The following SPRED1 variants were observed in gnomAD, a reference collection of about 807,000 sequenced individuals.
SPRED1 encodes sprouty related EVH1 domain containing 1, also known as sprouty-related, EVH1 domain-containing protein 1.
Under a neutral mutation model 52.3 loss-of-function variants are expected in SPRED1, and 18 were observed. The observed-to-expected ratio is 0.34, with a 90% CI of 0.24 to 0.51. SPRED1 has a LOEUF of 0.51. SPRED1 is among the 20% of genes least tolerant of loss of function. The probability of loss-of-function intolerance (pLI) is 0.97; values close to 1 mark genes in which losing one functional copy is unlikely to be tolerated. For synonymous variants in SPRED1, 155 were observed against 179.7 expected, an observed-to-expected ratio of 0.86 and a Z score of 1.10; for missense variants, 485 against 551.0, an observed-to-expected ratio of 0.88 and a Z score of 1.20.
intron 1 of SPRED1, among the ~76,000 whole-genome samples, chr15:38,267,381 CT>C (rs1894331345): frequency 6.6e-6 from 1 of 152,060 alleles, no homozygotes. Context: ...ATTTTCTTCT[CT>C]TTAGTAAAAT....
intron 4 of SPRED1, among the ~76,000 whole-genome samples, chr15:38,337,854 T>C (rs1895951228): frequency 6.6e-6 from 1 of 151,796 alleles, no homozygotes; most frequent in South Asian, 2.1e-4. Context: ...AAACTTATGA[T>C]TGTTTATAGT....
At chr15:38,347,735 G>C (rs1307906374) in intron 5 of SPRED1, among the ~76,000 whole-genome samples, 1 of 151,512 alleles carries the variant, frequency 6.6e-6, no homozygotes, top group Admixed American at 6.6e-5. Flanking sequence ...TACCATTTTT[G>C]TTGTTCTATT....
intron 4 of SPRED1, among the ~76,000 whole-genome samples, chr15:38,325,154 G>T (rs1244668676): frequency 6.6e-6 from 1 of 152,012 alleles, no homozygotes; most frequent in African/African-American, 2.4e-5. Context: ...AACTTTTTGA[G>T]TATGGACATG....
At chr15:38,262,063 G>A (rs943894902) in intron 1 of SPRED1, among the ~76,000 whole-genome samples, 4 of 150,570 alleles carry the variant, frequency 2.7e-5, no homozygotes, top group Non-Finnish European at 5.9e-5. Flanking sequence ...GAGTTCTGGG[G>A]TTTCCCCCCT....
chr15:38,254,712 A>T (rs1894054569), intron 1 of SPRED1, among the ~76,000 whole-genome samples: 1 of 152,212 alleles, frequency 6.6e-6, no homozygotes. Flanking sequence ...TATGTGGGAA[A>T]TATCAGTTCG....
chr15:38,268,940 CTTT>C (rs66775738), intron 1 of SPRED1, among the ~76,000 whole-genome samples: 16 of 121,864 alleles, frequency 1.3e-4, no homozygotes, highest in Admixed American at 1.7e-4. Flanking sequence ...TAACTTTTTT[CTTT>C]TTTTTTTTTT....
chr15:38,252,907 T>A lies in SPRED1; in HGVS notation c.-279T>A. ...TTTGCAGCCCCTCTCTTTTTCCCTT[T>A]CCACCGGGCCTCCTCGGATCCCTTG... is the stretch of plus-strand genomic sequence containing the variant. On this transcript the variant is annotated 5_prime_UTR_variant, in exon 1 of 7. Transcript: ENST00000299084. The A allele has an allele frequency of 3.6e-6, 2 of 553,724 alleles. No individual in the cohort carries two copies. Among genetic ancestry groups the A allele is most frequent in the South Asian group, 4.0e-5 (2 of 49,404 alleles). 34.3% of individuals were successfully genotyped at this position (553,724 alleles called of 1,614,324 possible). A position where few individuals can be genotyped will look rare whatever the true frequency, so the allele number is the denominator to read the frequency against.
chr15:38,324,282 TAAC>T (rs1895664990), intron 3 of SPRED1, among the ~76,000 whole-genome samples: 1 of 152,204 alleles, frequency 6.6e-6, no homozygotes, highest in African/African-American at 2.4e-5. Context: ...AAAAAGTCAG[TAAC>T]AACAATTGGC....
chr15:38,298,772 C>T (rs1895091695), intron 1 of SPRED1, among the ~76,000 whole-genome samples: 1 of 152,150 alleles, frequency 6.6e-6, no homozygotes, highest in Admixed American at 6.5e-5. Context: ...TTATTTCTTA[C>T]AGTTTCTACA....
chr15:38,286,829 A>G (rs1894821341), intron 1 of SPRED1, among the ~76,000 whole-genome samples: 1 of 152,094 alleles, frequency 6.6e-6, no homozygotes. Flanking sequence ...CCTTTCCAGT[A>G]TTTGAATCAT....
chr15:38,257,984 T>A (rs1324748698), intron 1 of SPRED1, among the ~76,000 whole-genome samples: 1 of 152,206 alleles, frequency 6.6e-6, no homozygotes, highest in Non-Finnish European at 1.5e-5. Context: ...CAAGCCTGCT[T>A]TTCTTCTCCA....
At chr15:38,334,550 A>G (rs1451294331) in intron 4 of SPRED1, among the ~76,000 whole-genome samples, 1 of 152,110 alleles carries the variant, frequency 6.6e-6, no homozygotes, top group East Asian at 1.9e-4. Context: ...TTTTAAAAGT[A>G]AAAATATGAA....
chr15:38,257,431 A>C (rs532962205), intron 1 of SPRED1, among the ~76,000 whole-genome samples: 15 of 152,330 alleles, frequency 9.8e-5, no homozygotes, highest in African/African-American at 3.6e-4. Context: ...AGTATGGGAA[A>C]AGTAAATTAT....
At chr15:38,295,563 C>A (rs571824275) in intron 1 of SPRED1, among the ~76,000 whole-genome samples, 3 of 151,992 alleles carry the variant, frequency 2.0e-5, no homozygotes, top group African/African-American at 7.3e-5. Flanking sequence ...AAAATGAAAC[C>A]GATGTAAAAT....
At chr15:38,337,310 A>C (rs1434883874) in intron 4 of SPRED1, among the ~76,000 whole-genome samples, 1 of 152,158 alleles carries the variant, frequency 6.6e-6, no homozygotes, top group African/African-American at 2.4e-5. Context: ...GATTCTCTAT[A>C]ATGTTAATTT....
chr15:38,296,046 C>T (rs574442415), intron 1 of SPRED1, among the ~76,000 whole-genome samples: 2 of 152,212 alleles, frequency 1.3e-5, no homozygotes, highest in African/African-American at 4.8e-5. Context: ...AGGAGCTTGA[C>T]TATCAAACAC....
Position 38,349,483 on chromosome 15 carries a change from A to C in SPRED1, c.644A>C (p.Gln215Pro). ...QSRSMEYVQR[Q>P]ISKECGSLKS... ...AGAAGTATGGAATACGTACAGCGGC[A>C]AATATCCAAGGAATGTGGAAGCCTA... Residue 215 changes from glutamine (Q) to proline (P), a missense_variant, in exon 6 of 7, where the codon CAA (glutamine) becomes CCA (proline). Around this residue, in one of 5 missense-constraint regions of SPRED1, gnomAD observed 232 missense variants for 231.8 expected, o/e 1.00. Coordinates refer to ENST00000299084, the MANE Select transcript of SPRED1 (RefSeq NM_152594.3). 6.2e-7 allele frequency: 1 copy of C among 1,612,758 alleles called. No individual in the cohort carries two copies. Among genetic ancestry groups the C allele is most frequent in the South Asian group, 1.1e-5 (1 of 91,076 alleles).
At chr15:38,331,613 C>CA (rs1895808804) in intron 4 of SPRED1, among the ~76,000 whole-genome samples, 2 of 151,634 alleles carry the variant, frequency 1.3e-5, no homozygotes, top group Admixed American at 1.3e-4. Context: ...AAAGAATGCT[C>CA]AGATTTTGAA....
chr15:38,327,722 G>A (rs912166291), intron 4 of SPRED1, among the ~76,000 whole-genome samples: 2 of 152,130 alleles, frequency 1.3e-5, no homozygotes, highest in Admixed American at 6.5e-5. Flanking sequence ...AACTTCATGG[G>A]GACTATGAGC....
Sources: gnomAD v4.1 joint callset for allele counts (sites outside exome capture counted in the v4.1 genomes callset) on GRCh38, gnomAD v4.1.1 for gene constraint, gnomAD v4.1.1 regional missense constraint, MANE v1.5 for transcripts, NCBI Gene and HGNC (gene_info 2026-07-23, HGNC 2026-07-21) for gene names.